The following DST variants were observed in gnomAD, a reference collection of about 807,000 sequenced individuals.
DST encodes the protein dystonin.
Under a neutral mutation model 875.2 loss-of-function variants are expected in DST, and 253 were observed. The ratio of observed to expected loss-of-function variants is 0.29; its 90% CI spans 0.26 to 0.32. DST has a LOEUF of 0.32. Ranked by LOEUF, DST falls within the 10% of genes least tolerant of loss-of-function variation. DST has a pLI of 1.00. For synonymous variants in DST, 3,124 were observed against 3,197.1 expected, an observed-to-expected ratio of 0.98 and a Z score of 0.77; for missense variants, 8,287 against 9,111.6, an observed-to-expected ratio of 0.91 and a Z score of 3.68.
chr6:56,617,189 C>T (rs370302551), intron 36 of DST: 1 of 1,599,800 alleles, frequency 6.3e-7, no homozygotes, highest in Non-Finnish European at 8.5e-7. Context: ...CACAGTGTGC[C>T]TAAGCCCTTG....
At chr6:56,611,386 A>AG (rs2098543388) in intron 38 of DST, 122 bp downstream of exon 38, 1 of 687,106 alleles carries the variant, frequency 1.5e-6, no homozygotes, top group East Asian at 2.7e-5. Flanking sequence ...TACTATATTA[A>AG]TTGTGATTAG....
At chr6:56,728,055 T>G (rs1056826080) in intron 5 of DST, among the ~76,000 whole-genome samples, 7 of 152,246 alleles carry the variant, frequency 4.6e-5, no homozygotes, top group African/African-American at 1.7e-4. Flanking sequence ...ACAGTGGTGG[T>G]AGTAATAATG....
At chr6:56,840,685 G>A (rs2099798926) in intron 4 of DST, among the ~76,000 whole-genome samples, 1 of 152,080 alleles carries the variant, frequency 6.6e-6, no homozygotes, top group Non-Finnish European at 1.5e-5. Context: ...AATAATTAGC[G>A]CTCACTCTCC....
intron 100 of DST, 190 bp downstream of exon 100, chr6:56,464,495 G>T: frequency 1.7e-6 from 1 of 599,458 alleles, no homozygotes; most frequent in South Asian, 2.1e-5. Flanking sequence ...TATAACACCT[G>T]CATGTGTAAC....
chr6:56,943,203 A>G (rs1330371474), intron 2 of DST, among the ~76,000 whole-genome samples: 3 of 152,160 alleles, frequency 2.0e-5, no homozygotes, highest in Non-Finnish European at 2.9e-5. Flanking sequence ...ACCACTTGGC[A>G]CTAATGTGAC....
At position 56,851,206 on chromosome 6, in the gene DST, C is replaced by T; in HGVS notation, c.625+191G>A. The T allele has an allele frequency of 6.7e-6, 4 of 598,766 alleles. No homozygotes were observed. The South Asian group carries it at 9.3e-5, about 14-fold the overall frequency. The allele number at this position is 598,766 out of a possible 1,614,324, so 37.1% of individuals were successfully genotyped here. The stretch of plus-strand genomic sequence containing the variant: ...AGAAGGCAGGGCCAAACAGCTTAGT[C>T]ACCAGCAGGCAGGGCAAATGGCTCT... On this transcript the variant is annotated intron_variant, in intron 4 of 103. Transcript: ENST00000680361.
intron 4 of DST, among the ~76,000 whole-genome samples, chr6:56,812,418 T>A (rs1002291390): frequency 5.3e-5 from 8 of 152,106 alleles, no homozygotes; most frequent in Non-Finnish European, 1.0e-4. Flanking sequence ...TAAAATAAAA[T>A]TTTTCAGAAA....
intron 55 of DST, among the ~76,000 whole-genome samples, chr6:56,562,632 T>C (rs910354253): frequency 2.0e-5 from 3 of 152,036 alleles, no homozygotes; most frequent in Non-Finnish European, 4.4e-5. Flanking sequence ...GGGATACATG[T>C]GCAGAATGTA....
In DST at chr6:56,608,616, T is replaced by C; in HGVS notation, c.6012A>G (p.Arg2004=). 6.2e-7 allele frequency: 1 copy of C among 1,613,434 alleles called. No individual in the cohort carries two copies. Among genetic ancestry groups the C allele is most frequent in the Non-Finnish European group, 8.5e-7 (1 of 1,179,662 alleles). ...GGLINSNSGQ[R]MTVEEAVREG... ...CTCTGACAGCTTCTTCAACAGTCAT[T>C]CTTTGGCCAGAGTTGGAATTGATCA... Residue 2004 remains arginine (R), a synonymous_variant, in exon 40 of 104, where the codon AGA becomes AGG. Coordinates refer to ENST00000680361, the MANE Select transcript of DST (RefSeq NM_001374736.1).
intron 10 of DST, among the ~76,000 whole-genome samples, chr6:56,667,874 T>C (rs928601183): frequency 2.0e-5 from 3 of 152,010 alleles, no homozygotes; most frequent in Admixed American, 6.5e-5. Context: ...TAATTATTCA[T>C]GAGTACCACA....
chr6:56,506,741 T>C lies in DST; in HGVS notation c.19288A>G (p.Ile6430Val). ...DGLQEELDIVINLGSELIAAC... is the reference protein window; with the variant it reads ...DGLQEELDIVVNLGSELIAAC... ...GCAATGAGTTCAGAACCTAGGTTAA[T>C]AACTATATCCAGCTCCTCCTGTAGT... The change falls in exon 76 of 104, where the codon ATT (isoleucine) becomes GTT (valine). Residue 6430 changes from isoleucine to valine, a missense_variant. By Grantham distance (29) the Ile-to-Val change is conservative. Coordinates refer to ENST00000680361, the MANE Select transcript of DST (RefSeq NM_001374736.1). The C allele has an allele frequency of 5.6e-6, 9 of 1,613,590 alleles. No individual in the cohort carries two copies. Among genetic ancestry groups the C allele is most frequent in the Non-Finnish European group, 7.6e-6 (9 of 1,179,582 alleles).
chr6:56,698,832 G>A (rs1172596710), intron 9 of DST, among the ~76,000 whole-genome samples: 1 of 152,140 alleles, frequency 6.6e-6, no homozygotes, highest in Non-Finnish European at 1.5e-5. Flanking sequence ...TTTAGATTCA[G>A]GGGGTACAAG....
intron 4 of DST, among the ~76,000 whole-genome samples, chr6:56,826,447 A>C (rs572819420): frequency 1.3e-5 from 2 of 152,294 alleles, no homozygotes; most frequent in South Asian, 4.1e-4. Flanking sequence ...TATAGAAGTA[A>C]TAAATATGTT....
chr6:56,471,183 T>C lies in DST; in HGVS notation c.22244A>G (p.Asp7415Gly). ...WMNHKKSRVM[D>G]FFRRIDKDQD... ...GTCTTTATCAATTCTCCTGAAGAAG[T>C]CCATCACTCGAGATTTCTTGTGATT... The change falls in exon 95 of 104, where the codon GAC becomes GGC. Residue 7415 changes from aspartate (D) to glycine (G), a missense_variant. Transcript: ENST00000680361. The C allele has an allele frequency of 6.2e-7, 1 of 1,608,208 alleles. No homozygotes were observed. The highest frequency in any genetic ancestry group is 1.1e-5 in the South Asian group (1 of 89,766).
At position 56,854,635 on chromosome 6, in the gene DST, G is replaced by C. The variant is rs145727940; in HGVS notation, c.418-3031C>G. Among the ~76,000 whole-genome samples, 1,390 of 152,276 alleles carry C rather than the reference G, an allele frequency of 9.1e-3. 18 individuals carry two copies. Among genetic ancestry groups the C allele is most frequent in the African/African-American group, 0.031 (1,276 of 41,542 alleles). ...GCGATTATCTTTGGGTGATGACTAA[G>C]ATTCTGAATGAATTTAATTTTATTC... On this transcript the variant is annotated intron_variant, in intron 3 of 103. Coordinates refer to ENST00000680361, the MANE Select transcript of DST (RefSeq NM_001374736.1).
At chr6:56,909,425 C>T (rs1449320111) in intron 2 of DST, among the ~76,000 whole-genome samples, 1 of 152,184 alleles carries the variant, frequency 6.6e-6, no homozygotes, top group Non-Finnish European at 1.5e-5. Context: ...CCTCTTTTGG[C>T]CAGCATGACC....
intron 17 of DST, among the ~76,000 whole-genome samples, chr6:56,641,059 G>A (rs932013917): frequency 1.3e-4 from 19 of 151,242 alleles, no homozygotes; most frequent in African/African-American, 4.6e-4. Flanking sequence ...ATTCCTAAAG[G>A]TGAAATTACT....
chr6:56,710,535 TAAA>T (rs2099359158), intron 5 of DST, among the ~76,000 whole-genome samples: 3 of 152,180 alleles, frequency 2.0e-5, no homozygotes, highest in Non-Finnish European at 4.4e-5. Context: ...AGTACGTTCA[TAAA>T]AAATTAGCTG....
At chr6:56,851,154 A>G in intron 4 of DST, 1 of 527,850 alleles carries the variant, frequency 1.9e-6, no homozygotes, top group Non-Finnish European at 3.4e-6. Flanking sequence ...ATTTCCTTGC[A>G]TTTCAAAGGA....
Sources: allele counts gnomAD v4.1 joint callset (sites outside exome capture counted in the v4.1 genomes callset), GRCh38; gene constraint gnomAD v4.1.1; transcripts MANE v1.5; gene names NCBI Gene and HGNC (gene_info 2026-07-23, HGNC 2026-07-21).